The following CHMP4B variants were observed in gnomAD, a reference collection of about 807,000 sequenced individuals.
CHMP4B encodes the protein charged multivesicular body protein 4B, also known as SNF7 homolog associated with Alix 1.
Under a neutral mutation model 25.1 loss-of-function variants are expected in CHMP4B, and 1 was observed. The observed-to-expected ratio is 0.04, with a 90% CI of 0.01 to 0.19. The LOEUF is 0.19. Ranked by LOEUF, CHMP4B falls within the 10% of genes least tolerant of loss-of-function variation. The pLI is 1.00. For missense variants in CHMP4B, 151 were observed against 289.7 expected (o/e 0.52, Z 3.48); for synonymous variants, 101 against 115.6 (o/e 0.87, Z 0.81).
At chr20:33,828,041 G>A (rs1344638926) in intron 1 of CHMP4B, among the ~76,000 whole-genome samples, 10 of 152,196 alleles carry the variant, frequency 6.6e-5, no homozygotes, top group Admixed American at 6.5e-4. Context: ...GAGCAGCTAA[G>A]CCTCTTAGGA....
chr20:33,851,000 A>G lies in CHMP4B; in HGVS notation c.417A>G (p.Gln139=). The G allele has an allele frequency of 6.2e-7, 1 of 1,614,244 alleles. No individual in the cohort carries two copies. The highest frequency in any genetic ancestry group is 8.5e-7 in the Non-Finnish European group (1 of 1,180,008). ...TAATGCAGGACATTGCTGACCAGCA[A>G]GAACTTGCAGAGGAGATTTCAACAG... The part of the protein sequence containing the change: ...DELMQDIADQ[Q]ELAEEISTAI... Residue 139 remains glutamine (Q), a synonymous_variant, in exon 3 of 5, where the codon CAA becomes CAG. Transcript: ENST00000217402.
chr20:33,830,967 G>T (rs1436646006), intron 1 of CHMP4B, among the ~76,000 whole-genome samples: 1 of 48,042 alleles, frequency 2.1e-5, no homozygotes, highest in African/African-American at 7.8e-5. Flanking sequence ...TTGAGACAGG[G>T]TCCTGCTCTG....
At chr20:33,817,752 A>G (rs1424220887) in intron 1 of CHMP4B, among the ~76,000 whole-genome samples, 1 of 152,118 alleles carries the variant, frequency 6.6e-6, no homozygotes, top group African/African-American at 2.4e-5. Context: ...AGTGTGAGAG[A>G]GAGGATATTA....
intron 2 of CHMP4B, among the ~76,000 whole-genome samples, chr20:33,850,243 C>G (rs1979810075): frequency 6.6e-6 from 1 of 152,196 alleles, no homozygotes; most frequent in African/African-American, 2.4e-5. Context: ...TGATGTTGCT[C>G]TAGAAATGTG....
chr20:33,821,883 C>T (rs2122786048), intron 1 of CHMP4B, among the ~76,000 whole-genome samples: 1 of 152,182 alleles, frequency 6.6e-6, no homozygotes, highest in Non-Finnish European at 1.5e-5. Context: ...GTAGCAAGAT[C>T]TTGGCTCACT....
chr20:33,849,082 A>C (rs1437074458), intron 2 of CHMP4B, among the ~76,000 whole-genome samples: 2 of 151,976 alleles, frequency 1.3e-5, no homozygotes, highest in Non-Finnish European at 2.9e-5. Context: ...AGAGCTTTGG[A>C]TCTCTCTGTT....
chr20:33,848,584 C>A lies in CHMP4B; in HGVS notation c.308C>A (p.Thr103Asn), dbSNP rs1166456093. ...REALENANTNTEVLKNMGYAA... is the reference protein window; with the variant it reads ...REALENANTNNEVLKNMGYAA... Reference sequence around the variant, plus strand: ...GCCCTGGAGAATGCCAACACCAACACCGAGGTGCTCAAGAACATGGGCTAT... The same window carrying A: ...GCCCTGGAGAATGCCAACACCAACAACGAGGTGCTCAAGAACATGGGCTAT... Residue 103 changes from threonine (T) to asparagine (N), a missense_variant, in exon 2 of 5, where the codon ACC becomes AAC. Coordinates refer to ENST00000217402, the MANE Select transcript of CHMP4B (RefSeq NM_176812.5). 3 of 1,614,116 alleles carry A rather than the reference C, an allele frequency of 1.9e-6. No individual in the cohort carries two copies. The highest frequency in any genetic ancestry group is 2.5e-6 in the Non-Finnish European group (3 of 1,180,062).
At chr20:33,847,738 G>A (rs1186926826) in intron 1 of CHMP4B, among the ~76,000 whole-genome samples, 2 of 152,174 alleles carry the variant, frequency 1.3e-5, no homozygotes, top group Non-Finnish European at 2.9e-5. Flanking sequence ...TTTCGATGAT[G>A]GAGGATGCTG....
intron 3 of CHMP4B, 38 bp from the exon 4 acceptor site, chr20:33,852,038 TC>T: frequency 6.2e-7 from 1 of 1,612,676 alleles, no homozygotes; most frequent in Admixed American, 1.7e-5. Context: ...GGGCTGGGAT[TC>T]CCAGGGAGGG....
intron 1 of CHMP4B, among the ~76,000 whole-genome samples, chr20:33,825,671 A>C (rs1029011390): frequency 6.6e-6 from 1 of 152,212 alleles, no homozygotes; most frequent in African/African-American, 2.4e-5. Context: ...ATTTGGCTGG[A>C]AACAAGCTTT....
At chr20:33,835,245 TTGTC>T (rs1181951495) in intron 1 of CHMP4B, among the ~76,000 whole-genome samples, 6 of 152,234 alleles carry the variant, frequency 3.9e-5, no homozygotes, top group African/African-American at 7.2e-5. Flanking sequence ...ATTTTTTTCT[TTGTC>T]TGCTCTTAAC....
chr20:33,828,563 G>A (rs753217612), intron 1 of CHMP4B, among the ~76,000 whole-genome samples: 2 of 152,086 alleles, frequency 1.3e-5, no homozygotes, highest in Non-Finnish European at 2.9e-5. Context: ...GAAATGTTGC[G>A]CCTACATTTC....
chr20:33,825,010 G>C (rs1979055434), intron 1 of CHMP4B, among the ~76,000 whole-genome samples: 1 of 152,118 alleles, frequency 6.6e-6, no homozygotes, highest in African/African-American at 2.4e-5. Flanking sequence ...CCCTTTTGTT[G>C]TTCTGCTGGG....
At chr20:33,818,853 C>G (rs1445090590) in intron 1 of CHMP4B, among the ~76,000 whole-genome samples, 1 of 152,112 alleles carries the variant, frequency 6.6e-6, no homozygotes, top group Non-Finnish European at 1.5e-5. Context: ...TTTGGTGCTT[C>G]TGTTCCTTCC....
At chr20:33,847,244 A>G (rs2122813142) in intron 1 of CHMP4B, among the ~76,000 whole-genome samples, 1 of 152,182 alleles carries the variant, frequency 6.6e-6, no homozygotes, top group East Asian at 1.9e-4. Context: ...TCTTCCTGGC[A>G]CAGATACTTT....
intron 1 of CHMP4B, among the ~76,000 whole-genome samples, chr20:33,845,977 G>A (rs909820668): frequency 1.3e-5 from 2 of 152,160 alleles, no homozygotes; most frequent in African/African-American, 4.8e-5. Context: ...CTGCAGGACC[G>A]GGCAGGCCAT....
chr20:33,813,143 TAAA>T (rs754102878), intron 1 of CHMP4B, among the ~76,000 whole-genome samples: 14 of 111,936 alleles, frequency 1.3e-4, no homozygotes, highest in Admixed American at 2.8e-4. Context: ...ACCAGCTCTG[TAAA>T]AAAAAAAAAA....
chr20:33,837,521 G>C (rs1010331378), intron 1 of CHMP4B, among the ~76,000 whole-genome samples: 2 of 152,142 alleles, frequency 1.3e-5, no homozygotes, highest in Non-Finnish European at 2.9e-5. Flanking sequence ...ACAGGAGAGA[G>C]GAATTTCAGA....
intron 1 of CHMP4B, among the ~76,000 whole-genome samples, chr20:33,824,158 C>CA (rs1415102264): frequency 6.6e-6 from 1 of 152,204 alleles, no homozygotes; most frequent in African/African-American, 2.4e-5. Flanking sequence ...TTTTGAAACT[C>CA]AGAGAAGCCT....
Sources: gnomAD v4.1 joint callset for allele counts (sites outside exome capture counted in the v4.1 genomes callset) on GRCh38, gnomAD v4.1.1 for gene constraint, MANE v1.5 for transcripts, NCBI Gene and HGNC (gene_info 2026-07-23, HGNC 2026-07-21) for gene names.